Variants in UGGT1 observed in about 807,000 individuals in gnomAD.
The protein encoded by UGGT1 is UDP-glucose:glycoprotein glucosyltransferase 1.
Under a neutral mutation model 203.9 loss-of-function variants are expected in UGGT1, and 107 were observed. That is an observed-to-expected ratio of 0.52 (90% CI 0.45 to 0.62). The LOEUF is 0.62. UGGT1 is among the 20% of genes least tolerant of loss of function. The pLI is 0.00. For synonymous variants in UGGT1, 628 were observed against 653.5 expected, an observed-to-expected ratio of 0.96 and a Z score of 0.59; for missense variants, 1,673 against 1,867.2, an observed-to-expected ratio of 0.90 and a Z score of 1.92.
At chr2:128,094,505 A>G (rs1040945102) in intron 1 of UGGT1, among the ~76,000 whole-genome samples, 2 of 152,134 alleles carry the variant, frequency 1.3e-5, no homozygotes, top group East Asian at 1.9e-4. Flanking sequence ...GGCAGATACT[A>G]TTATTCCTAC....
chr2:128,136,772 G>T (rs1689147905), intron 15 of UGGT1, among the ~76,000 whole-genome samples: 1 of 152,200 alleles, frequency 6.6e-6, no homozygotes, highest in Non-Finnish European at 1.5e-5. Flanking sequence ...GCTTAGTTTT[G>T]TAAGAGTATG....
chr2:128,147,009 C>T (rs1054717091), intron 18 of UGGT1, among the ~76,000 whole-genome samples: 1 of 152,192 alleles, frequency 6.6e-6, no homozygotes, highest in Non-Finnish European at 1.5e-5. Context: ...TAGTATAAAC[C>T]ACCATGTGTG....
chr2:128,174,649 G>T, intron 30 of UGGT1, 124 bp from the exon 31 acceptor site: 2 of 873,110 alleles, frequency 2.3e-6, no homozygotes, highest in Admixed American at 2.4e-5. Flanking sequence ...GAGTTGCATT[G>T]ATTTGTTTAC....
intron 13 of UGGT1, among the ~76,000 whole-genome samples, chr2:128,130,522 G>A (rs937958598): frequency 6.6e-6 from 1 of 152,098 alleles, no homozygotes; most frequent in African/African-American, 2.4e-5. Flanking sequence ...AAGAGTAAAA[G>A]ATAATAACAT....
intron 18 of UGGT1, 23 bp downstream of exon 18, chr2:128,145,990 T>C: frequency 6.2e-7 from 1 of 1,613,086 alleles, no homozygotes; most frequent in Non-Finnish European, 8.5e-7. Context: ...TCAAGGCTGA[T>C]TTTTTAAAGA....
At chr2:128,104,812 A>G (rs925837325) in intron 3 of UGGT1, among the ~76,000 whole-genome samples, 1 of 152,054 alleles carries the variant, frequency 6.6e-6, no homozygotes, top group East Asian at 1.9e-4. Context: ...ACGCCTGGCT[A>G]ATTTTTGTAT....
chr2:128,107,957 T>G lies in UGGT1; in HGVS notation c.297T>G (p.Tyr99Ter). 1 of 1,614,194 alleles carries G rather than the reference T, an allele frequency of 6.2e-7. No homozygotes were observed. The highest frequency in any genetic ancestry group is 8.5e-7 in the Non-Finnish European group (1 of 1,180,024). The stretch of plus-strand genomic sequence containing the variant: ...TGACAGGTACCGATTATTCCTACTA[T>G]CATGCAATATTGGAGGCTGCATTTC... ...SDHDGTDYSYYHAILEAAFQF... is the reference protein window; with the variant it reads ...SDHDGTDYSY The change falls in exon 4 of 41, where the codon TAT becomes TAG. Residue 99 changes from tyrosine (Y) to a stop codon, truncating the protein, a stop_gained. Transcript: ENST00000259253. LOFTEE classifies it high-confidence loss of function.
At chr2:128,168,570 G>C (rs1014633123) in intron 26 of UGGT1, among the ~76,000 whole-genome samples, 25 of 152,154 alleles carry the variant, frequency 1.6e-4, no homozygotes, top group African/African-American at 5.8e-4. Context: ...TTATAGTATT[G>C]TTCAGAGCAA....
chr2:128,175,738 C>G (rs1691337243), intron 31 of UGGT1, among the ~76,000 whole-genome samples: 1 of 152,174 alleles, frequency 6.6e-6, no homozygotes, highest in Non-Finnish European at 1.5e-5. Context: ...ATGCCCTGGC[C>G]CTTGCCAGCC....
chr2:128,182,323 G>T, intron 37 of UGGT1, 33 bp downstream of exon 37: 1 of 1,566,712 alleles, frequency 6.4e-7, no homozygotes, highest in South Asian at 1.2e-5. Flanking sequence ...ACACTGTTAC[G>T]GGGTTTTCCT....
intron 15 of UGGT1, 104 bp from the exon 16 acceptor site, chr2:128,138,613 T>G (rs1185968140): frequency 1.8e-5 from 25 of 1,356,442 alleles, no homozygotes; most frequent in Non-Finnish European, 2.4e-5. Flanking sequence ...CAAAGAGTTT[T>G]CCTCTGTTAG....
intron 40 of UGGT1, among the ~76,000 whole-genome samples, chr2:128,189,355 G>GT (rs1692146147): frequency 1.3e-5 from 2 of 150,926 alleles, no homozygotes; most frequent in South Asian, 4.1e-4. Flanking sequence ...ATCAAAAACA[G>GT]TTTAAACATC....
intron 11 of UGGT1, among the ~76,000 whole-genome samples, chr2:128,124,333 A>G (rs1157348974): frequency 6.6e-6 from 1 of 152,226 alleles, no homozygotes; most frequent in Non-Finnish European, 1.5e-5. Flanking sequence ...AAAATTTGAA[A>G]CAAGGCATCG....
chr2:128,131,116 C>T (rs1465930959), intron 13 of UGGT1, among the ~76,000 whole-genome samples: 1 of 151,358 alleles, frequency 6.6e-6, no homozygotes, highest in Non-Finnish European at 1.5e-5. Context: ...ACCTGTAATC[C>T]CAGCTCCTTG....
At chr2:128,122,751 G>T (rs940856480) in intron 10 of UGGT1, among the ~76,000 whole-genome samples, 21 of 152,092 alleles carry the variant, frequency 1.4e-4, no homozygotes, top group African/African-American at 5.1e-4. Flanking sequence ...GTTTATTTGG[G>T]ACTTAGACAT....
intron 2 of UGGT1, among the ~76,000 whole-genome samples, chr2:128,097,893 G>A (rs1687186545): frequency 2.0e-5 from 3 of 152,226 alleles, no homozygotes; most frequent in South Asian, 2.1e-4. Flanking sequence ...ACAGGGTCTC[G>A]CTCTGTTGCC....
Position 128,159,637 on chromosome 2 carries a change from A to G in UGGT1, c.2479A>G (p.Lys827Glu). The G allele has an allele frequency of 6.2e-7, 1 of 1,614,148 alleles. No homozygotes were observed. Among genetic ancestry groups the G allele is most frequent in the Non-Finnish European group, 8.5e-7 (1 of 1,180,022 alleles). ...CCAAACTCAGACTTCCAACGCTGCT[A>G]AGAACTTCATCACCAAAATGGCCAA... ...ALQTQTSNAA[K>E]NFITKMAKEG... Residue 827 changes from lysine (K) to glutamate (E), a missense_variant, in exon 23 of 41, where the codon AAG becomes GAG. Lys to Glu is a moderately conservative substitution (Grantham distance 56). Transcript: ENST00000259253.
intron 15 of UGGT1, among the ~76,000 whole-genome samples, chr2:128,136,718 T>A (rs576169159): frequency 6.6e-6 from 1 of 152,352 alleles, no homozygotes; most frequent in African/African-American, 2.4e-5. Flanking sequence ...CTTCTTCGGG[T>A]AAATACCGAG....
intron 2 of UGGT1, 137 bp from the exon 3 acceptor site, chr2:128,103,795 A>G (rs1439638452): frequency 3.3e-5 from 12 of 363,014 alleles, no homozygotes; most frequent in Non-Finnish European, 5.9e-5. Flanking sequence ...TATACATAAA[A>G]GAGTATTATA....
Sources: allele counts gnomAD v4.1 joint callset (sites outside exome capture counted in the v4.1 genomes callset), GRCh38; gene constraint gnomAD v4.1.1; transcripts MANE v1.5; gene names NCBI Gene and HGNC (gene_info 2026-07-23, HGNC 2026-07-21).